BDP1: variants seen among roughly 807,000 people sequenced by gnomAD.
BDP1 encodes transcription factor TFIIIB component B'' homolog.
In BDP1, 169 loss-of-function variants were observed where a neutral mutation model predicts 266.6. That is an observed-to-expected ratio of 0.63 (90% CI 0.56 to 0.72). The LOEUF (loss-of-function observed/expected upper bound fraction) is 0.72, where lower values mean the gene tolerates loss of function less well. BDP1 is among the 30% of genes least tolerant of loss of function. The probability of loss-of-function intolerance (pLI) is 0.00; values close to 1 mark genes in which losing one functional copy is unlikely to be tolerated. For synonymous variants in BDP1, 1,090 were observed against 1,022.4 expected, an observed-to-expected ratio of 1.07 and a Z score of -1.26; for missense variants, 3,015 against 3,053.8, an observed-to-expected ratio of 0.99 and a Z score of 0.30.
At chr5:71,556,488 T>C (rs1743225462) in intron 35 of BDP1, among the ~76,000 whole-genome samples, 2 of 152,190 alleles carry the variant, frequency 1.3e-5, no homozygotes, top group African/African-American at 4.8e-5. Context: ...TGAATATCAT[T>C]GGGTACCTTT....
intron 34 of BDP1, among the ~76,000 whole-genome samples, chr5:71,552,011 C>T (rs1197986949): frequency 1.7e-4 from 26 of 150,746 alleles, no homozygotes; most frequent in African/African-American, 6.3e-4. Context: ...TGACCCCCAC[C>T]TCCCTCCCGG....
Position 71,466,079 on chromosome 5 carries a change from A to G in BDP1, c.660-17A>G. ...TTTTCATGCCTTTGTGAATTAACTT[A>G]TCTTTATATGTGGTAGGCAAGAAGG... On this transcript the variant is annotated splice_polypyrimidine_tract_variant and intron_variant, in intron 4 of 38. Transcript: ENST00000358731. 6.2e-7 allele frequency: 1 copy of G among 1,610,054 alleles called. No homozygotes were observed. Among genetic ancestry groups the G allele is most frequent in the East Asian group, 2.2e-5 (1 of 44,792 alleles).
At chr5:71,466,608 A>G (rs1260840277) in intron 5 of BDP1, among the ~76,000 whole-genome samples, 1 of 152,168 alleles carries the variant, frequency 6.6e-6, no homozygotes, top group Non-Finnish European at 1.5e-5. Flanking sequence ...GGTGATAACT[A>G]ATGGATATAC....
intron 25 of BDP1, among the ~76,000 whole-genome samples, chr5:71,531,303 T>A (rs114002524): frequency 0.025 from 3,800 of 152,226 alleles, 71 homozygotes; most frequent in South Asian, 0.073. Flanking sequence ...CCAGACTATA[T>A]TGTATGTATT....
intron 35 of BDP1, among the ~76,000 whole-genome samples, chr5:71,555,777 A>AT (rs2112026761): frequency 6.6e-6 from 1 of 152,264 alleles, no homozygotes; most frequent in Admixed American, 6.5e-5. Flanking sequence ...TTGGTATCTT[A>AT]TAGGGACAGT....
intron 13 of BDP1, among the ~76,000 whole-genome samples, chr5:71,500,624 GC>G (rs1458863269): frequency 6.6e-6 from 1 of 152,036 alleles, no homozygotes; most frequent in Non-Finnish European, 1.5e-5. Flanking sequence ...ACCATGCCCA[GC>G]CATTCCTTCT....
At position 71,497,252 on chromosome 5, in the gene BDP1, ATAATGT is replaced by A; in HGVS notation, c.1800-13_1800-8del. Reference sequence around the variant, plus strand: ...TGACTGCATGTTTGATGCTATTTAAATAATGTTAATTTTTCAGGGAAATTGATCAAA... The same window carrying A: ...TGACTGCATGTTTGATGCTATTTAAATAATTTTTCAGGGAAATTGATCAAA... On this transcript the variant is annotated splice_polypyrimidine_tract_variant and intron_variant, in intron 12 of 38. Transcript: ENST00000358731. The A allele has an allele frequency of 1.2e-6, 2 of 1,609,036 alleles. No individual in the cohort carries two copies. The highest frequency in any genetic ancestry group is 1.7e-6 in the Non-Finnish European group (2 of 1,176,524).
At chr5:71,485,209 A>AGTCGC (rs1317340231) in intron 8 of BDP1, among the ~76,000 whole-genome samples, 1 of 152,208 alleles carries the variant, frequency 6.6e-6, no homozygotes, top group Non-Finnish European at 1.5e-5. Context: ...TACTCTCAGG[A>AGTCGC]GTCGCTGAGG....
At chr5:71,575,099 G>A in the BDP1 span, among the ~76,000 whole-genome samples, 148 of 152,326 alleles carry the variant, frequency 9.7e-4, 2 homozygotes, top group African/African-American at 3.0e-3. Context: ...CGCAAATACA[G>A]CTATCAATTT....
rs758594601 is a variant in BDP1 at position 71,522,461 on chromosome 5, G to A, written c.5164G>A (p.Gly1722Arg). ...GKPEDHLLQKGASNTQLLLKE... is the reference protein window; with the variant it reads ...GKPEDHLLQKRASNTQLLLKE... ...GCCAGAAGATCATTTGCTGCAGAAA[G>A]GAGCTTCCAACACCCAGCTCCTTCT... Residue 1722 changes from glycine (G) to arginine (R), a missense_variant, in exon 23 of 39, where the codon GGA becomes AGA. By Grantham distance (125) the Gly-to-Arg change is moderately radical. Around this residue, in one of 3 missense-constraint regions of BDP1, gnomAD observed 2,383 missense variants for 2,404.9 expected, o/e 0.99. Coordinates refer to ENST00000358731, the MANE Select transcript of BDP1 (RefSeq NM_018429.3). 13 of 1,612,034 alleles carry A rather than the reference G, an allele frequency of 8.1e-6. No individual in the cohort carries two copies. The highest frequency in any genetic ancestry group is 9.3e-6 in the Non-Finnish European group (11 of 1,179,342).
downstream of BDP1, among the ~76,000 whole-genome samples, chr5:71,571,058 ATATTG>A (rs1226659821): frequency 6.6e-6 from 1 of 152,244 alleles, no homozygotes; most frequent in Non-Finnish European, 1.5e-5. Context: ...TATAGCATTC[ATATTG>A]TATTAAGTAT....
chr5:71,501,564 C>A lies in BDP1; in HGVS notation c.1959C>A (p.Asn653Lys). 6.4e-7 allele frequency: 1 copy of A among 1,559,350 alleles called. No homozygotes were observed. Among genetic ancestry groups the A allele is most frequent in the Non-Finnish European group, 8.8e-7 (1 of 1,136,370 alleles). Residue 653 changes from asparagine (N) to lysine (K), a missense_variant and splice_region_variant, in exon 14 of 39, where the codon AAC (asparagine) becomes AAA (lysine). Physicochemically the swap from Asn to Lys is moderately conservative, Grantham distance 94. Transcript: ENST00000358731. The part of the protein sequence containing the change: ...NSHSKTSVEK[N>K]HVEKDKMNTL... Reference sequence around the variant, plus strand: ...ATTGTAGCAAATTAAATTCACAGAACCACGTGGAAAAAGATAAAATGAATA... The same window carrying A: ...ATTGTAGCAAATTAAATTCACAGAAACACGTGGAAAAAGATAAAATGAATA...
At chr5:71,477,473 C>T (rs1338995026) in intron 7 of BDP1, among the ~76,000 whole-genome samples, 1 of 152,146 alleles carries the variant, frequency 6.6e-6, no homozygotes, top group East Asian at 1.9e-4. Flanking sequence ...ATTCACCTTA[C>T]AGTGAACTTA....
At chr5:71,574,536 G>C in the BDP1 span, among the ~76,000 whole-genome samples, 1 of 152,194 alleles carries the variant, frequency 6.6e-6, no homozygotes, top group East Asian at 1.9e-4. Flanking sequence ...AATCATGTTA[G>C]TTGGGGGAGA....
At chr5:71,557,316 C>G (rs945499437) in intron 36 of BDP1, among the ~76,000 whole-genome samples, 1 of 152,040 alleles carries the variant, frequency 6.6e-6, no homozygotes, top group Non-Finnish European at 1.5e-5. Flanking sequence ...TCAAGCAATC[C>G]TCCCACCTCA....
chr5:71,468,453 AT>A (rs879364385), intron 6 of BDP1, among the ~76,000 whole-genome samples: 2,738 of 141,456 alleles, frequency 0.019, 63 homozygotes, highest in African/African-American at 0.057. Context: ...CAGCCCAGAA[AT>A]TTTTTTTTTT....
chr5:71,501,494 C>G, intron 13 of BDP1, 68 bp from the exon 14 acceptor site: 1 of 1,022,370 alleles, frequency 9.8e-7, no homozygotes, highest in Non-Finnish European at 1.5e-6. Context: ...TTTTAATTTC[C>G]ATTTGTTTAT....
chr5:71,526,704 T>A (rs1165212125), intron 25 of BDP1, among the ~76,000 whole-genome samples: 4 of 148,502 alleles, frequency 2.7e-5, no homozygotes, highest in East Asian at 2.0e-4. Flanking sequence ...TTTTTTTTTT[T>A]AAAGACGGGG....
chr5:71,520,456 G>T (rs1765438741), intron 22 of BDP1, among the ~76,000 whole-genome samples: 1 of 152,074 alleles, frequency 6.6e-6, no homozygotes, highest in South Asian at 2.1e-4. Flanking sequence ...TGCTATATTG[G>T]ATTAGGTTGA....
Sources: gnomAD v4.1 joint callset for allele counts (sites outside exome capture counted in the v4.1 genomes callset) on GRCh38, gnomAD v4.1.1 for gene constraint, gnomAD v4.1.1 regional missense constraint, MANE v1.5 for transcripts, NCBI Gene and HGNC (gene_info 2026-07-23, HGNC 2026-07-21) for gene names.